The following BPTF variants were observed in gnomAD, a reference collection of about 807,000 sequenced individuals.
BPTF encodes nucleosome-remodeling factor subunit BPTF.
In BPTF, 18 loss-of-function variants were observed where a neutral mutation model predicts 292.5. The observed-to-expected ratio is 0.06, with a 90% CI of 0.04 to 0.09. The LOEUF (loss-of-function observed/expected upper bound fraction) is 0.09, where lower values mean the gene tolerates loss of function less well. Among genes scored for constraint, BPTF ranks in the 10% least tolerant of loss-of-function variants. The probability of loss-of-function intolerance (pLI) is 1.00; values close to 1 mark genes in which losing one functional copy is unlikely to be tolerated. For missense variants in BPTF, 2,726 were observed against 3,498.7 expected, an observed-to-expected ratio of 0.78 and a Z score of 5.57; for synonymous variants, 1,225 against 1,251.9, an observed-to-expected ratio of 0.98 and a Z score of 0.45.
chr17:67,917,612 T>TTTAATTTAATTAATTAATTAATTAATTAA (rs1208551989), intron 11 of BPTF, among the ~76,000 whole-genome samples: 17 of 150,876 alleles, frequency 1.1e-4, no homozygotes, highest in African/African-American at 4.1e-4. Flanking sequence ...ATGTTTTTGG[T>TTTAATTTAATTAATTAATTAATTAATTAA]TTAATTTAAT....
At chr17:67,890,163 A>G (rs1241207852) in intron 4 of BPTF, among the ~76,000 whole-genome samples, 2 of 152,204 alleles carry the variant, frequency 1.3e-5, no homozygotes, top group Non-Finnish European at 2.9e-5. Flanking sequence ...CTACCAGATT[A>G]TTTAGAATTT....
intron 2 of BPTF, among the ~76,000 whole-genome samples, chr17:67,860,494 T>G (rs1157090965): frequency 6.6e-6 from 1 of 152,236 alleles, no homozygotes; most frequent in Admixed American, 6.5e-5. Context: ...AAAAAAAGCT[T>G]CTTATACATG....
intron 7 of BPTF, among the ~76,000 whole-genome samples, chr17:67,898,451 GT>G (rs1174684496): frequency 9.9e-5 from 15 of 152,014 alleles, no homozygotes; most frequent in African/African-American, 3.6e-4. Context: ...AATTTATTGG[GT>G]TTTTTTATTT....
intron 2 of BPTF, among the ~76,000 whole-genome samples, chr17:67,857,465 A>G (rs2058767621): frequency 1.5e-5 from 2 of 136,580 alleles, no homozygotes; most frequent in East Asian, 4.4e-4. Flanking sequence ...TGGACAGCAG[A>G]TTTTTTTTTT....
chr17:67,977,888 C>CT (rs2069730040), intron 27 of BPTF: 1 of 148,166 alleles, frequency 6.7e-6, no homozygotes, highest in South Asian at 2.2e-4. Flanking sequence ...GAGTTTCACT[C>CT]TTGTTGCCCA....
Position 67,876,272 on chromosome 17 carries a change from A to G in BPTF, c.1864+1252A>G, listed in dbSNP as rs1020343086. On this transcript the variant is annotated intron_variant, in intron 4 of 27. Transcript: ENST00000306378. ...TTTCAGTTTTTAAAATTAAAGTTAT[A>G]CTCCAAGTAAGTTATAGCACACCAA... Among the ~76,000 whole-genome samples the G allele has an allele frequency of 6.6e-5, 10 of 152,212 alleles. No individual in the cohort carries two copies. The East Asian group carries it at 1.9e-3, about 29-fold the overall frequency.
intron 4 of BPTF, among the ~76,000 whole-genome samples, chr17:67,880,841 A>C (rs1460016848): frequency 6.6e-6 from 1 of 151,598 alleles, no homozygotes; most frequent in Non-Finnish European, 1.5e-5. Flanking sequence ...AGAACATTCT[A>C]TGCATGATTT....
chr17:67,929,427 A>G lies in BPTF; in HGVS notation c.6090A>G (p.Thr2030=). Residue 2030 remains threonine, a synonymous_variant, in exon 17 of 28, where the codon ACA becomes ACG. Coordinates refer to ENST00000306378, the MANE Select transcript of BPTF (RefSeq NM_182641.4). The part of the protein sequence containing the change: ...QQTFTSFQPR[T]ATVTIRPNTS... ...CCTTTACTTCATTCCAGCCCAGGAC[A>G]GCAACAGTCACAATTAGGCCCAATA... 6.2e-7 allele frequency: 1 copy of G among 1,614,212 alleles called. No homozygotes were observed. Among genetic ancestry groups the G allele is most frequent in the Non-Finnish European group, 8.5e-7 (1 of 1,180,034 alleles).
intron 1 of BPTF, among the ~76,000 whole-genome samples, chr17:67,848,780 TC>T (rs1182050078): frequency 6.6e-6 from 1 of 152,130 alleles, no homozygotes; most frequent in Non-Finnish European, 1.5e-5. Flanking sequence ...GCCAGGTCAT[TC>T]TAATTAGAAT....
intron 11 of BPTF, among the ~76,000 whole-genome samples, chr17:67,914,634 G>A (rs761944198): frequency 3.9e-5 from 6 of 152,130 alleles, no homozygotes; most frequent in Non-Finnish European, 8.8e-5. Context: ...GGCAGTTGTG[G>A]AGGCCGACCT....
Position 67,875,576 on chromosome 17 carries a change from A to G in BPTF, c.1864+556A>G, listed in dbSNP as rs755834083. 86 of 1,544,954 alleles carry G rather than the reference A, an allele frequency of 5.6e-5. 1 individual carries two copies. Among genetic ancestry groups the G allele is most frequent in the South Asian group, 1.1e-4 (9 of 78,970 alleles). ...TGTAGAGCCAACAGAAGTTGGGGAT[A>G]AAGGTAACTCTGTGTCAGCAAATCT... On this transcript the variant is annotated intron_variant, in intron 4 of 27. Transcript: ENST00000306378.
chr17:67,860,732 AT>A (rs916255421), intron 2 of BPTF, among the ~76,000 whole-genome samples: 1 of 152,122 alleles, frequency 6.6e-6, no homozygotes, highest in South Asian at 2.1e-4. Context: ...ATTATATTTC[AT>A]TTTTTTGCAG....
At chr17:67,874,691 A>T in intron 3 of BPTF, 126 bp from the exon 4 acceptor site, 1 of 634,718 alleles carries the variant, frequency 1.6e-6, no homozygotes, top group South Asian at 2.3e-5. Context: ...CATAGGTCTA[A>T]TGCTTTAAAA....
At chr17:67,876,340 G>A (rs2060048029) in intron 4 of BPTF, among the ~76,000 whole-genome samples, 1 of 152,208 alleles carries the variant, frequency 6.6e-6, no homozygotes, top group Non-Finnish European at 1.5e-5. Flanking sequence ...ACAACCTGCA[G>A]TTCTTATGGG....
chr17:67,928,483 T>C lies in BPTF; in HGVS notation c.5880T>C (p.Thr1960=), dbSNP rs1397228764. 2 of 1,614,152 alleles carry C rather than the reference T, an allele frequency of 1.2e-6. No individual in the cohort carries two copies. The highest frequency in any genetic ancestry group is 1.7e-6 in the Non-Finnish European group (2 of 1,180,016). Residue 1960 remains threonine, a synonymous_variant, in exon 16 of 28, where the codon ACT becomes ACC. Coordinates refer to ENST00000306378, the MANE Select transcript of BPTF (RefSeq NM_182641.4). ...CCCCCATAAGTGGCTCAGTTACAAC[T>C]GGAACCAAAATGGTACTAACTACTA... ...MVAPISGSVT[T]GTKMVLTTKV...
intron 25 of BPTF, chr17:67,964,897 G>A (rs1568200421): frequency 7.0e-6 from 1 of 143,798 alleles, no homozygotes; most frequent in Non-Finnish European, 1.5e-5. Flanking sequence ...TACTCCGGAG[G>A]TTGAGGCAGG....
Position 67,904,860 on chromosome 17 carries a change from T to C in BPTF, c.2812+20T>C, listed in dbSNP as rs527643370. On this transcript the variant is annotated intron_variant, in intron 9 of 27. Coordinates refer to ENST00000306378, the MANE Select transcript of BPTF (RefSeq NM_182641.4). ...AAGGAAGTAAGTAATTAAAATTACA[T>C]GTCCTGCATAATCGTTTCTGCTTTA... is the stretch of plus-strand genomic sequence containing the variant. The C allele has an allele frequency of 7.6e-6, 12 of 1,588,970 alleles. No homozygotes were observed. In the South Asian group the frequency reaches 1.2e-4, roughly 16 times the overall value.
intron 4 of BPTF, among the ~76,000 whole-genome samples, chr17:67,888,795 C>G (rs901871869): frequency 6.6e-6 from 1 of 152,008 alleles, no homozygotes; most frequent in Non-Finnish European, 1.5e-5. Flanking sequence ...TAAGAAGATT[C>G]CCCTTCTGGA....
intron 23 of BPTF, 82 bp downstream of exon 23, chr17:67,948,388 C>G (rs1285066704): frequency 2.4e-5 from 30 of 1,263,828 alleles, no homozygotes; most frequent in African/African-American, 3.0e-5. Flanking sequence ...TTTAATAAAG[C>G]TTAAAATTTC....
Sources: gnomAD v4.1 joint callset for allele counts (sites outside exome capture counted in the v4.1 genomes callset) on GRCh38, gnomAD v4.1.1 for gene constraint, MANE v1.5 for transcripts, NCBI Gene and HGNC (gene_info 2026-07-23, HGNC 2026-07-21) for gene names.